Variants in FZD6 observed in about 807,000 individuals in gnomAD.
FZD6 encodes the protein frizzled class receptor 6.
In FZD6, 49 loss-of-function variants were observed where a neutral mutation model predicts 61.4. The observed-to-expected ratio is 0.80, with a 90% CI of 0.63 to 1.01. FZD6 has a LOEUF of 1.01. Among genes scored for constraint, FZD6 ranks in the 50% least tolerant of loss-of-function variants. The probability of loss-of-function intolerance (pLI) is 0.00; values close to 1 mark genes in which losing one functional copy is unlikely to be tolerated. For synonymous variants in FZD6, 265 were observed against 292.2 expected, an observed-to-expected ratio of 0.91 and a Z score of 0.95; for missense variants, 724 against 848.2, an observed-to-expected ratio of 0.85 and a Z score of 1.82.
At chr8:103,312,003 A>G (rs1263424123) in intron 2 of FZD6, among the ~76,000 whole-genome samples, 2 of 152,216 alleles carry the variant, frequency 1.3e-5, no homozygotes, top group Non-Finnish European at 2.9e-5. Flanking sequence ...ATAAAATGCT[A>G]GCATTATTTC....
intron 2 of FZD6, among the ~76,000 whole-genome samples, chr8:103,313,760 C>CTGTGTG (rs58157848): frequency 0.01 from 1,493 of 142,814 alleles, 13 homozygotes; most frequent in African/African-American, 0.02. Context: ...CTTGATTTTT[C>CTGTGTG]TGTGTGTGTG....
Position 103,324,752 on chromosome 8 carries a change from A to G in FZD6, c.646A>G (p.Thr216Ala), listed in dbSNP as rs1237966129. The G allele has an allele frequency of 6.2e-7, 1 of 1,613,986 alleles. No individual in the cohort carries two copies. Among genetic ancestry groups the G allele is most frequent in the East Asian group, 2.2e-5 (1 of 44,894 alleles). ...ATTTTGTCTTTGTGCAACTCTGTTC[A>G]CATTCCTTACTTTTTTAATTGATGT... ...SIFCLCATLF[T>A]FLTFLIDVRR... The change falls in exon 4 of 7, where the codon ACA (threonine) becomes GCA (alanine). Residue 216 changes from threonine to alanine, a missense_variant. Thr to Ala is a moderately conservative substitution (Grantham distance 58, BLOSUM62 0). Coordinates refer to ENST00000358755, the MANE Select transcript of FZD6 (RefSeq NM_003506.4).
Position 103,324,547 on chromosome 8 carries a change from G to A in FZD6, c.441G>A (p.Gln147=), listed in dbSNP as rs2130328087. The change falls in exon 4 of 7, where the codon CAG becomes CAA. Residue 147 remains glutamine, a synonymous_variant. Coordinates refer to ENST00000358755, the MANE Select transcript of FZD6 (RefSeq NM_003506.4). ...FDPHTEFLGP[Q]KKTEQVQRDI... Reference sequence around the variant, plus strand: ...CACACACAGAATTTCTTGGTCCTCAGAAGAAAACAGAACAAGTCCAAAGAG... The same window carrying A: ...CACACACAGAATTTCTTGGTCCTCAAAAGAAAACAGAACAAGTCCAAAGAG... 6.2e-7 allele frequency: 1 copy of A among 1,612,856 alleles called. No homozygotes were observed. The highest frequency in any genetic ancestry group is 2.2e-5 in the East Asian group (1 of 44,882).
At chr8:103,324,039 T>C (rs1814866550) in intron 3 of FZD6, among the ~76,000 whole-genome samples, 1 of 152,196 alleles carries the variant, frequency 6.6e-6, no homozygotes. Flanking sequence ...TTACTTTTCT[T>C]ATGGACATTA....
At chr8:103,326,440 T>G (rs561572644) in intron 4 of FZD6, among the ~76,000 whole-genome samples, 1 of 152,250 alleles carries the variant, frequency 6.6e-6, no homozygotes, top group African/African-American at 2.4e-5. Flanking sequence ...TAATGACTCC[T>G]AGTTTCCTCA....
chr8:103,315,562 C>T (rs924220720), intron 2 of FZD6, among the ~76,000 whole-genome samples: 8 of 152,256 alleles, frequency 5.3e-5, no homozygotes, highest in East Asian at 1.9e-4. Context: ...AATACCACTC[C>T]GCAGTGACAG....
chr8:103,325,750 AT>A (rs1056606716), intron 4 of FZD6, among the ~76,000 whole-genome samples: 3 of 152,260 alleles, frequency 2.0e-5, no homozygotes, highest in Admixed American at 6.5e-5. Context: ...GCAAAGGCAG[AT>A]TAATAGCAAT....
intron 2 of FZD6, among the ~76,000 whole-genome samples, chr8:103,304,334 A>G (rs2130267463): frequency 6.6e-6 from 1 of 152,344 alleles, no homozygotes; most frequent in South Asian, 2.1e-4. Flanking sequence ...GGTTTAGAGC[A>G]GTGGTTCTTA....
chr8:103,310,933 G>C (rs1333786493), intron 2 of FZD6, among the ~76,000 whole-genome samples: 1 of 152,174 alleles, frequency 6.6e-6, no homozygotes, highest in Non-Finnish European at 1.5e-5. Flanking sequence ...GTTTTGCTGA[G>C]ATCACTTGCA....
chr8:103,309,640 G>A (rs1234915381), intron 2 of FZD6, among the ~76,000 whole-genome samples: 2 of 152,148 alleles, frequency 1.3e-5, no homozygotes, highest in Non-Finnish European at 2.9e-5. Flanking sequence ...TGCCTATTGT[G>A]TTTTTGCTAA....
intron 3 of FZD6, among the ~76,000 whole-genome samples, chr8:103,322,446 C>T (rs915085747): frequency 2.0e-5 from 3 of 151,614 alleles, no homozygotes; most frequent in Non-Finnish European, 4.4e-5. Context: ...CTGGACCTTT[C>T]CGTGATAGTG....
In FZD6 at chr8:103,306,940, T is replaced by A. The variant is rs569028138; in HGVS notation, c.177+6656T>A. ...GCTTTTCTCACTGCATGGGAGTTACTGTGTATGTCACCATGAGTAGAAAGC... is the reference window on the plus strand; with the variant it reads ...GCTTTTCTCACTGCATGGGAGTTACAGTGTATGTCACCATGAGTAGAAAGC... On this transcript the variant is annotated intron_variant, in intron 2 of 6. Coordinates refer to ENST00000358755, the MANE Select transcript of FZD6 (RefSeq NM_003506.4). Among the ~76,000 whole-genome samples, 5 of 152,352 alleles carry A rather than the reference T, an allele frequency of 3.3e-5. No homozygotes were observed. In the East Asian group the frequency reaches 5.8e-4, roughly 18 times the overall value.
At chr8:103,327,764 A>G (rs1173794114) in intron 4 of FZD6, among the ~76,000 whole-genome samples, 1 of 152,176 alleles carries the variant, frequency 6.6e-6, no homozygotes, top group African/African-American at 2.4e-5. Flanking sequence ...TTTATGCCTG[A>G]ATAAAAAGTA....
chr8:103,301,651 C>A (rs1814174904), intron 2 of FZD6, among the ~76,000 whole-genome samples: 1 of 152,048 alleles, frequency 6.6e-6, no homozygotes, highest in Non-Finnish European at 1.5e-5. Flanking sequence ...AGTGATCCGT[C>A]CTGCCTCAGC....
chr8:103,308,554 C>T (rs1436267685), intron 2 of FZD6, among the ~76,000 whole-genome samples: 3 of 152,142 alleles, frequency 2.0e-5, no homozygotes, highest in Non-Finnish European at 4.4e-5. Context: ...CTGGGGCCAG[C>T]TATTGTAAGC....
At chr8:103,302,876 T>G (rs976266674) in intron 2 of FZD6, among the ~76,000 whole-genome samples, 3 of 152,162 alleles carry the variant, frequency 2.0e-5, no homozygotes, top group African/African-American at 7.2e-5. Flanking sequence ...GAGGATCACT[T>G]AAGCCCAAGA....
chr8:103,328,274 G>A lies in FZD6; in HGVS notation c.1399G>A (p.Ala467Thr). Residue 467 changes from alanine (A) to threonine (T), a missense_variant, in exon 5 of 7, where the codon GCA becomes ACA. Physicochemically the swap from Ala to Thr is moderately conservative, Grantham distance 58. Transcript: ENST00000358755. ...TATTCACTATTTTTTGTAGGCAAAA[G>A]CAAAAGCTCGACCAGAATTGGCTTT... is the stretch of plus-strand genomic sequence containing the variant. ...YHIPCPYQAK[A>T]KARPELALFM... The A allele has an allele frequency of 3.7e-6, 6 of 1,610,398 alleles. No individual in the cohort carries two copies. The highest frequency in any genetic ancestry group is 5.1e-6 in the Non-Finnish European group (6 of 1,176,772).
intron 3 of FZD6, among the ~76,000 whole-genome samples, chr8:103,323,281 C>A (rs1349913083): frequency 6.6e-6 from 1 of 151,806 alleles, no homozygotes; most frequent in Non-Finnish European, 1.5e-5. Flanking sequence ...TGTTATATTG[C>A]TTTATTTTAA....
intron 1 of FZD6, among the ~76,000 whole-genome samples, chr8:103,299,478 T>TA (rs2130252165): frequency 6.6e-6 from 1 of 152,238 alleles, no homozygotes; most frequent in East Asian, 1.9e-4. Flanking sequence ...TAGTTGGCCT[T>TA]ACGAAAATCG....
Sources: gnomAD v4.1 joint callset for allele counts (sites outside exome capture counted in the v4.1 genomes callset) on GRCh38, gnomAD v4.1.1 for gene constraint, MANE v1.5 for transcripts, NCBI Gene and HGNC (gene_info 2026-07-23, HGNC 2026-07-21) for gene names.